Variants in KIF5B observed in about 807,000 individuals in gnomAD.
KIF5B encodes kinesin family member 5B.
A neutral mutation model predicts 132.8 loss-of-function variants in KIF5B; 49 were observed. The observed-to-expected ratio is 0.37, with a 90% CI of 0.29 to 0.47. The LOEUF is 0.47. Ranked by LOEUF, KIF5B falls within the 20% of genes least tolerant of loss-of-function variation. The pLI is 1.00. For missense variants in KIF5B, 780 were observed against 1,144.0 expected (o/e 0.68, Z 4.59); for synonymous variants, 355 against 369.4 (o/e 0.96, Z 0.45).
At chr10:32,012,367 C>G (rs1027011046) in intron 25 of KIF5B, among the ~76,000 whole-genome samples, 18 of 152,062 alleles carry the variant, frequency 1.2e-4, no homozygotes, top group African/African-American at 4.3e-4. Context: ...CCCAGCTACT[C>G]GGGAGGGTGA....
intron 1 of KIF5B, among the ~76,000 whole-genome samples, chr10:32,052,445 C>A (rs568466119): frequency 1.3e-5 from 2 of 152,320 alleles, no homozygotes; most frequent in South Asian, 4.1e-4. Context: ...CTTCTAATTT[C>A]TCGGAACTAC....
intron 1 of KIF5B, among the ~76,000 whole-genome samples, chr10:32,054,061 A>G (rs1841724743): frequency 6.6e-6 from 1 of 152,262 alleles, no homozygotes; most frequent in Non-Finnish European, 1.5e-5. Flanking sequence ...GCATTCCAAC[A>G]AAAAGAATCA....
In KIF5B at chr10:32,010,279, G is replaced by A. The variant is rs925927900; in HGVS notation, c.*1258C>T. 1 of 152,040 alleles carries A rather than the reference G, an allele frequency of 6.6e-6. No homozygotes were observed. Among genetic ancestry groups the A allele is most frequent in the Non-Finnish European group, 1.5e-5 (1 of 67,988 alleles). 9.4% of individuals were successfully genotyped at this position (152,040 alleles called of 1,614,324 possible). A position where few individuals can be genotyped will look rare whatever the true frequency, so the allele number is the denominator to read the frequency against. ...TTACAGTTTCCTAAAATAAGCTGTT[G>A]ACTTACTTTAATCATCTGAGGAAAA... On this transcript the variant is annotated 3_prime_UTR_variant, in exon 26 of 26. Transcript: ENST00000302418.
intron 2 of KIF5B, among the ~76,000 whole-genome samples, chr10:32,043,612 T>C (rs1394048835): frequency 6.6e-6 from 1 of 152,174 alleles, no homozygotes; most frequent in Admixed American, 6.5e-5. Flanking sequence ...TATCATATAG[T>C]GGGCAATGAA....
At chr10:32,020,202 A>AC (rs1394933139) in intron 19 of KIF5B, among the ~76,000 whole-genome samples, 1 of 152,054 alleles carries the variant, frequency 6.6e-6, no homozygotes, top group Non-Finnish European at 1.5e-5. Flanking sequence ...CCTTATGCCT[A>AC]CTTCCATCAG....
intron 2 of KIF5B, among the ~76,000 whole-genome samples, chr10:32,047,813 C>CA (rs993749344): frequency 2.6e-5 from 4 of 152,022 alleles, no homozygotes; most frequent in African/African-American, 9.7e-5. Flanking sequence ...CTACAGCTGT[C>CA]AAAAAATGAA....
At position 32,021,252 on chromosome 10, in the gene KIF5B, T is replaced by C. The variant is rs748543891; in HGVS notation, c.2068A>G (p.Lys690Glu). 6.2e-7 allele frequency: 1 copy of C among 1,613,174 alleles called. No individual in the cohort carries two copies. The highest frequency in any genetic ancestry group is 1.7e-4 in the Middle Eastern group (1 of 6,030). ...VHEMEKEHLNKVQTANEVKQA... is the reference protein window; with the variant it reads ...VHEMEKEHLNEVQTANEVKQA... ...TTAACTTCATTTGCAGTCTGAACCT[T>C]ATTTAAGTGCTCCTTTTCCATTTCA... Residue 690 changes from lysine (K) to glutamate (E), a missense_variant, in exon 18 of 26, where the codon AAG becomes GAG. This residue lies in a region of KIF5B where 471 missense variants were observed against 569.9 expected (regional missense o/e 0.83). Coordinates refer to ENST00000302418, the MANE Select transcript of KIF5B (RefSeq NM_004521.3).
chr10:32,010,614 A>T lies in KIF5B; in HGVS notation c.*923T>A, dbSNP rs747700547. Reference sequence around the variant, plus strand: ...CGTATAAAATTATGTTTAATCCTATAATATCTTAATTCATTTTACTAATAT... The same window carrying T: ...CGTATAAAATTATGTTTAATCCTATTATATCTTAATTCATTTTACTAATAT... On this transcript the variant is annotated 3_prime_UTR_variant, in exon 26 of 26. Transcript: ENST00000302418. 8 of 152,176 alleles carry T rather than the reference A, an allele frequency of 5.3e-5. No homozygotes were observed. The highest frequency in any genetic ancestry group is 8.8e-5 in the Non-Finnish European group (6 of 68,002). 9.4% of individuals were successfully genotyped at this position (152,176 alleles called of 1,614,324 possible).
At chr10:32,013,673 GATA>G (rs1359098703) in intron 25 of KIF5B, among the ~76,000 whole-genome samples, 1 of 152,180 alleles carries the variant, frequency 6.6e-6, no homozygotes, top group Non-Finnish European at 1.5e-5. Context: ...TACTGGGTGT[GATA>G]ATATTGTGGC....
In KIF5B at chr10:32,019,958, G is replaced by T. The variant is rs146000651; in HGVS notation, c.2206C>A (p.Gln736Lys). 3.8e-6 allele frequency: 6 copies of T among 1,593,538 alleles called. No homozygotes were observed. Among genetic ancestry groups the T allele is most frequent in the Middle Eastern group, 1.7e-4 (1 of 5,974 alleles). The stretch of plus-strand genomic sequence containing the variant: ...TGCTCTAACATCATTTTCTGGTTTT[G>T]GCTGACGAAAGAAAAAAATAATTAA... ...KAKLITDLQDQNQKMMLEQER... is the reference protein window; with the variant it reads ...KAKLITDLQDKNQKMMLEQER... Residue 736 changes from glutamine (Q) to lysine (K), a missense_variant and splice_region_variant, in exon 20 of 26, where the codon CAA (glutamine) becomes AAA (lysine). Around this residue, in one of 9 missense-constraint regions of KIF5B, gnomAD observed 471 missense variants for 569.9 expected, o/e 0.83. Coordinates refer to ENST00000302418, the MANE Select transcript of KIF5B (RefSeq NM_004521.3).
At chr10:32,017,944 G>A (rs211376) in intron 23 of KIF5B, 108 bp downstream of exon 23, 111,977 of 538,322 alleles carry the variant, frequency 0.21, 12,959 homozygotes, top group Middle Eastern at 0.26. Context: ...AAATGGCTCA[G>A]GGTATAAAAA....
chr10:32,046,330 C>T (rs1055188681), intron 2 of KIF5B, among the ~76,000 whole-genome samples: 2 of 152,126 alleles, frequency 1.3e-5, no homozygotes, highest in African/African-American at 4.8e-5. Context: ...TATGATCGAT[C>T]CCTCTGGAAA....
chr10:32,037,229 T>C (rs750236438), intron 8 of KIF5B, 25 bp downstream of exon 8: 4 of 1,600,428 alleles, frequency 2.5e-6, no homozygotes, highest in African/African-American at 1.3e-5. Context: ...GCTTAAATAT[T>C]TGTCAAAATA....
At chr10:32,014,404 G>C (rs1009476987) in intron 25 of KIF5B, among the ~76,000 whole-genome samples, 6 of 151,944 alleles carry the variant, frequency 3.9e-5, no homozygotes, top group Admixed American at 6.6e-5. Context: ...AGTGGGGCAG[G>C]GGGGTGTGGG....
rs1019708972 is a variant in KIF5B at position 32,056,225 on chromosome 10, G to A, written c.-252C>T. On this transcript the variant is annotated 5_prime_UTR_variant, in exon 1 of 26. Coordinates refer to ENST00000302418, the MANE Select transcript of KIF5B (RefSeq NM_004521.3). ...TGGCGGCGGCAGCGGCGGCGGCACC[G>A]GGGAGAGCGTCCGCGGCTCCTCAGC... is the stretch of plus-strand genomic sequence containing the variant. 2 of 470,398 alleles carry A rather than the reference G, an allele frequency of 4.3e-6. No individual in the cohort carries two copies. Among genetic ancestry groups the A allele is most frequent in the Non-Finnish European group, 7.5e-6 (2 of 268,342 alleles). The allele number at this position is 470,398 out of a possible 1,614,324, so 29.1% of individuals were successfully genotyped here.
chr10:32,031,174 C>A lies in KIF5B; in HGVS notation c.1480G>T (p.Ala494Ser). 6.2e-7 allele frequency: 1 copy of A among 1,613,878 alleles called. No individual in the cohort carries two copies. Among genetic ancestry groups the A allele is most frequent in the Non-Finnish European group, 8.5e-7 (1 of 1,179,856 alleles). The change falls in exon 14 of 26, where the codon GCC (alanine) becomes TCC (serine). Residue 494 changes from alanine (A) to serine (S), a missense_variant. Around this residue, in one of 9 missense-constraint regions of KIF5B, gnomAD observed 471 missense variants for 569.9 expected, o/e 0.83. Coordinates refer to ENST00000302418, the MANE Select transcript of KIF5B (RefSeq NM_004521.3). Reference protein sequence around the residue: ...SKEEVKEVLQALEELAVNYDQ... With the variant: ...SKEEVKEVLQSLEELAVNYDQ... ...TAATTGACAGCAAGTTCTTCTAGGG[C>A]CTGTAAAACTTCTTTCACTTCTTCT... is the stretch of plus-strand genomic sequence containing the variant.
chr10:32,018,719 TC>T (rs1841214667), intron 20 of KIF5B, among the ~76,000 whole-genome samples, 157 bp from the exon 21 acceptor site: 1 of 145,712 alleles, frequency 6.9e-6, no homozygotes, highest in Non-Finnish European at 1.5e-5. Flanking sequence ...GTGCTGTCTT[TC>T]AAAAAAAAAA....
At chr10:32,018,603 CTG>C (rs759270488) in intron 20 of KIF5B, 41 bp from the exon 21 acceptor site, 8 of 1,210,928 alleles carry the variant, frequency 6.6e-6, no homozygotes, top group Admixed American at 5.1e-5. Flanking sequence ...AAATTTTATT[CTG>C]TATATTGTAC....
At position 32,038,183 on chromosome 10, in the gene KIF5B, T is replaced by A. The variant is rs1026878615; in HGVS notation, c.478A>T (p.Asn160Tyr). ...AATACCTTTACATAGGGAACTCGGT[T>A]TTTGTCTTCATGAACTGAAAGGTTG... ...KTNLSVHEDK[N>Y]RVPYVKGCTE... Residue 160 changes from asparagine (N) to tyrosine (Y), a missense_variant, in exon 6 of 26, where the codon AAC (asparagine) becomes TAC (tyrosine). Physicochemically the swap from Asn to Tyr is moderately radical, Grantham distance 143. Transcript: ENST00000302418. 1 of 1,606,508 alleles carries A rather than the reference T, an allele frequency of 6.2e-7. No homozygotes were observed. Among genetic ancestry groups the A allele is most frequent in the African/African-American group, 1.3e-5 (1 of 74,652 alleles).
Sources: gnomAD v4.1 joint callset for allele counts (sites outside exome capture counted in the v4.1 genomes callset) on GRCh38, gnomAD v4.1.1 for gene constraint, gnomAD v4.1.1 regional missense constraint, MANE v1.5 for transcripts, NCBI Gene and HGNC (gene_info 2026-07-23, HGNC 2026-07-21) for gene names.